REEP1: variants seen among roughly 807,000 people sequenced by gnomAD.
The protein encoded by REEP1 is receptor accessory protein 1.
A neutral mutation model predicts 40.3 loss-of-function variants in REEP1; 22 were observed. The observed-to-expected ratio is 0.55, with a 90% confidence interval of 0.39 to 0.78. REEP1 has a LOEUF of 0.78. REEP1 is among the 30% of genes least tolerant of loss of function. REEP1 has a pLI of 0.00. For synonymous variants in REEP1, 116 were observed against 139.2 expected (o/e 0.83, Z 1.17); for missense variants, 280 against 361.1 (o/e 0.78, Z 1.82).
At chr2:86,245,899 G>A (rs1053517764) in intron 5 of REEP1, among the ~76,000 whole-genome samples, 1 of 151,872 alleles carries the variant, frequency 6.6e-6, no homozygotes, top group African/African-American at 2.4e-5. Context: ...CGAGTAGCTG[G>A]GACTACAGGC....
chr2:86,323,488 C>A (rs1680360930), intron 1 of REEP1, among the ~76,000 whole-genome samples: 1 of 152,160 alleles, frequency 6.6e-6, no homozygotes. Flanking sequence ...CCTGTCAGAT[C>A]AGCAGCGGCA....
chr2:86,288,981 G>C (rs1678556395), intron 1 of REEP1, among the ~76,000 whole-genome samples: 1 of 151,988 alleles, frequency 6.6e-6, no homozygotes, highest in Admixed American at 6.6e-5. Context: ...TGTGAATTTT[G>C]GGTATAAATC....
intron 2 of REEP1, among the ~76,000 whole-genome samples, chr2:86,277,374 G>T (rs1277650187): frequency 1.3e-5 from 2 of 151,948 alleles, no homozygotes; most frequent in African/African-American, 4.8e-5. Context: ...TGGCCAACAT[G>T]GTGAAACCCC....
chr2:86,319,664 C>A (rs1388423862), intron 1 of REEP1, among the ~76,000 whole-genome samples: 1 of 151,844 alleles, frequency 6.6e-6, no homozygotes, highest in Non-Finnish European at 1.5e-5. Context: ...CACTGCACTC[C>A]AGCCTGGGCG....
intron 1 of REEP1, among the ~76,000 whole-genome samples, chr2:86,307,878 TAGAAAA>T (rs1330014785): frequency 5.9e-5 from 9 of 151,876 alleles, no homozygotes; most frequent in African/African-American, 1.9e-4. Flanking sequence ...AGTTGACAAA[TAGAAAA>T]CTAGAAGAAA....
At chr2:86,227,262 G>T in intron 7 of REEP1, 101 bp downstream of exon 7, 1 of 938,128 alleles carries the variant, frequency 1.1e-6, no homozygotes. Flanking sequence ...CTATGACCAT[G>T]CAGCTGAAAG....
intron 5 of REEP1, among the ~76,000 whole-genome samples, chr2:86,245,966 A>ATG (rs1176830956): frequency 2.0e-5 from 3 of 151,898 alleles, no homozygotes; most frequent in Non-Finnish European, 2.9e-5. Flanking sequence ...GGGTTTCACC[A>ATG]TGTTAGCCAG....
chr2:86,225,336 A>G (rs978283546), intron 7 of REEP1, among the ~76,000 whole-genome samples: 3 of 152,120 alleles, frequency 2.0e-5, no homozygotes, highest in Non-Finnish European at 4.4e-5. Context: ...CAATGGCATG[A>G]TATCGGCTCA....
chr2:86,260,394 G>T (rs555641637), intron 3 of REEP1, among the ~76,000 whole-genome samples: 8 of 152,308 alleles, frequency 5.3e-5, no homozygotes, highest in African/African-American at 1.4e-4. Context: ...AAGAGAGGGG[G>T]ATTCTACCCA....
chr2:86,332,436 AACACACACACACACAC>A (rs55793634), intron 1 of REEP1, among the ~76,000 whole-genome samples: 5 of 136,136 alleles, frequency 3.7e-5, no homozygotes, highest in South Asian at 2.5e-4. Context: ...CTTTCCTGGA[AACACACACACACACAC>A]ACACACACAC....
intron 2 of REEP1, among the ~76,000 whole-genome samples, chr2:86,275,318 A>G (rs1399277518): frequency 6.6e-6 from 1 of 151,996 alleles, no homozygotes; most frequent in Non-Finnish European, 1.5e-5. Flanking sequence ...ATGTTCACGC[A>G]CTGTCACCGG....
chr2:86,329,436 C>CA (rs1383367185), intron 1 of REEP1, among the ~76,000 whole-genome samples: 1 of 152,188 alleles, frequency 6.6e-6, no homozygotes, highest in Non-Finnish European at 1.5e-5. Flanking sequence ...ACTGGGTTGA[C>CA]AGAGTCTAGA....
intron 1 of REEP1, among the ~76,000 whole-genome samples, chr2:86,285,619 A>T (rs1678345204): frequency 6.6e-6 from 1 of 152,226 alleles, no homozygotes; most frequent in African/African-American, 2.4e-5. Context: ...ATCTGAACCC[A>T]GGCAGCCTGA....
chr2:86,274,256 G>A (rs1199406819), intron 2 of REEP1, among the ~76,000 whole-genome samples: 1 of 152,176 alleles, frequency 6.6e-6, no homozygotes, highest in African/African-American at 2.4e-5. Flanking sequence ...AGCCAATTTA[G>A]GCAGAAGAGT....
intron 6 of REEP1, among the ~76,000 whole-genome samples, chr2:86,227,768 C>A (rs1406398485): frequency 1.1e-4 from 17 of 152,226 alleles, no homozygotes. Flanking sequence ...CCCAGACTTA[C>A]CTCTGAACCC....
chr2:86,278,352 C>T (rs974057398), intron 2 of REEP1, among the ~76,000 whole-genome samples: 3 of 152,138 alleles, frequency 2.0e-5, no homozygotes, highest in Non-Finnish European at 2.9e-5. Context: ...ATTCAGTGTT[C>T]GGAATGCTGA....
At chr2:86,266,324 T>C (rs1287155305) in intron 2 of REEP1, among the ~76,000 whole-genome samples, 1 of 152,236 alleles carries the variant, frequency 6.6e-6, no homozygotes, top group African/African-American at 2.4e-5. Flanking sequence ...CTTTCTTAGA[T>C]GTACTACCAA....
chr2:86,273,060 G>A (rs1426470147), intron 2 of REEP1, among the ~76,000 whole-genome samples: 1 of 151,830 alleles, frequency 6.6e-6, no homozygotes, highest in Non-Finnish European at 1.5e-5. Context: ...GGGAGGTCAA[G>A]GCTGCAGTGC....
At chr2:86,240,196 A>G (rs913864979) in intron 5 of REEP1, 1 of 152,420 alleles carries the variant, frequency 6.6e-6, no homozygotes, top group African/African-American at 2.4e-5. Context: ...TTATTCACTC[A>G]CTTGCAACAG....
Sources: allele counts gnomAD v4.1 joint callset (sites outside exome capture counted in the v4.1 genomes callset), GRCh38; gene constraint gnomAD v4.1.1; transcripts MANE v1.5; gene names NCBI Gene and HGNC (gene_info 2026-07-23, HGNC 2026-07-21).